The following FKBP9 variants were observed in gnomAD, a reference collection of about 807,000 sequenced individuals.
The protein encoded by FKBP9 is peptidyl-prolyl cis-trans isomerase FKBP9.
Under a neutral mutation model 55.6 loss-of-function variants are expected in FKBP9, and 27 were observed. That is an observed-to-expected ratio of 0.49 (90% CI 0.36 to 0.67). The LOEUF (loss-of-function observed/expected upper bound fraction) is 0.67. FKBP9 is among the 30% of genes least tolerant of loss of function. FKBP9 has a pLI of 0.00. For missense variants in FKBP9, 539 were observed against 742.8 expected (o/e 0.73, Z 3.19); for synonymous variants, 267 against 296.5 (o/e 0.90, Z 1.02).
Position 32,974,011 on chromosome 7 carries a change from T to A in FKBP9, c.222-606T>A, listed in dbSNP as rs1784307211. 2.6e-5 allele frequency among the ~76,000 whole-genome samples: 4 copies of A among 151,608 alleles called. No homozygotes were observed. In the South Asian group the frequency reaches 8.3e-4, roughly 32 times the overall value. On this transcript the variant is annotated intron_variant, in intron 1 of 9. Coordinates refer to ENST00000242209, the MANE Select transcript of FKBP9 (RefSeq NM_007270.5). ...CTGGCTGTAAAGTCTTTTTTTAAAATTTTATTTTATTTTATTTTTTGAGAC... is the reference window on the plus strand; with the variant it reads ...CTGGCTGTAAAGTCTTTTTTTAAAAATTTATTTTATTTTATTTTTTGAGAC...
At position 33,005,173 on chromosome 7, in the gene FKBP9, A is replaced by G; in HGVS notation, c.1537-2A>G. On this transcript the variant is annotated splice_acceptor_variant, in intron 9 of 9. Coordinates refer to ENST00000242209, the MANE Select transcript of FKBP9 (RefSeq NM_007270.5). LOFTEE classifies it high-confidence loss of function. ...GGTCTTTCCTGTCCCCTTCTTTTCCAGTTCTCAGAGTACATTCACGCCCAG... is the reference window on the plus strand; with the variant it reads ...GGTCTTTCCTGTCCCCTTCTTTTCCGGTTCTCAGAGTACATTCACGCCCAG... 2 of 1,612,492 alleles carry G rather than the reference A, an allele frequency of 1.2e-6. No individual in the cohort carries two copies. The highest frequency in any genetic ancestry group is 1.7e-6 in the Non-Finnish European group (2 of 1,178,910).
intron 6 of FKBP9, chr7:32,992,605 A>G: frequency 5.5e-6 from 1 of 181,526 alleles, no homozygotes. Context: ...TCTATACTTA[A>G]TCTACAAATA....
chr7:33,000,234 A>C lies in FKBP9; in HGVS notation c.1346A>C (p.His449Pro). The C allele has an allele frequency of 6.2e-7, 1 of 1,612,504 alleles. No homozygotes were observed. The highest frequency in any genetic ancestry group is 8.5e-7 in the Non-Finnish European group (1 of 1,179,064). The change falls in exon 8 of 10, where the codon CAC (histidine) becomes CCC (proline). Residue 449 changes from histidine to proline, a missense_variant. Physicochemically the swap from His to Pro is moderately conservative, Grantham distance 77. Coordinates refer to ENST00000242209, the MANE Select transcript of FKBP9 (RefSeq NM_007270.5). ...AAACGGACAGTGATCATTCCGCCTC[A>C]CCTGGGCTATGGGGAAGCTGGCGTG... ...GEKRTVIIPP[H>P]LGYGEAGVDG...
At chr7:32,978,677 T>C (rs1274629055) in intron 4 of FKBP9, among the ~76,000 whole-genome samples, 4 of 152,166 alleles carry the variant, frequency 2.6e-5, no homozygotes, top group African/African-American at 2.4e-5. Context: ...TTCTTATTGA[T>C]GTTCAAATGG....
Position 32,996,257 on chromosome 7 carries a change from A to C in FKBP9, c.1134A>C (p.Lys378Asn). Residue 378 changes from lysine (K) to asparagine (N), a missense_variant, in exon 7 of 10, where the codon AAA becomes AAC. This residue lies in a region of FKBP9 where 172 missense variants were observed against 205.3 expected (regional missense o/e 0.84). Coordinates refer to ENST00000242209, the MANE Select transcript of FKBP9 (RefSeq NM_007270.5). ...CCATCAGCATCACCTCCCACTACAA[A>C]CCCCCTGACTGCTCAGTGCTGAGTA... is the stretch of plus-strand genomic sequence containing the variant. ...SDSISITSHYKPPDCSVLSKK... is the reference protein window; with the variant it reads ...SDSISITSHYNPPDCSVLSKK... The C allele has an allele frequency of 6.2e-7, 1 of 1,613,502 alleles. No homozygotes were observed. Among genetic ancestry groups the C allele is most frequent in the Non-Finnish European group, 8.5e-7 (1 of 1,179,800 alleles).
intron 1 of FKBP9, among the ~76,000 whole-genome samples, chr7:32,972,632 A>T (rs1784275108): frequency 1.3e-5 from 2 of 152,142 alleles, no homozygotes; most frequent in Non-Finnish European, 2.9e-5. Flanking sequence ...GATAGATAAT[A>T]TTTCATGTAT....
intron 1 of FKBP9, among the ~76,000 whole-genome samples, chr7:32,973,999 CTT>C (rs1261213922): frequency 6.6e-6 from 1 of 151,212 alleles, no homozygotes; most frequent in Non-Finnish European, 1.5e-5. Flanking sequence ...GCTGTAAAGT[CTT>C]TTTTTAAAAT....
In FKBP9 at chr7:32,981,790, A is replaced by C. The variant is rs1417828037; in HGVS notation, c.893+1237A>C. On this transcript the variant is annotated intron_variant, in intron 5 of 9. Transcript: ENST00000242209. ...CGGGTGCCTGTAATCCCAGCTACTC[A>C]GGAGGCTGAGTCAGGAGAATGACTT... 2.6e-5 allele frequency among the ~76,000 whole-genome samples: 4 copies of C among 151,322 alleles called. No individual in the cohort carries two copies. The East Asian group carries it at 5.9e-4, about 22-fold the overall frequency.
chr7:32,959,221 C>T lies in FKBP9; in HGVS notation c.221+1427C>T, dbSNP rs962587835. Among the ~76,000 whole-genome samples, 6 of 151,490 alleles carry T rather than the reference C, an allele frequency of 4.0e-5. No homozygotes were observed. The South Asian group carries it at 1.0e-3, about 26-fold the overall frequency. On this transcript the variant is annotated intron_variant, in intron 1 of 9. Transcript: ENST00000242209. Reference sequence around the variant, plus strand: ...GAGATCGAGACCATCCTGGCTAACACGGTGAAACCCGGTCTCTACTAAAAA... The same window carrying T: ...GAGATCGAGACCATCCTGGCTAACATGGTGAAACCCGGTCTCTACTAAAAA...
intron 4 of FKBP9, among the ~76,000 whole-genome samples, chr7:32,980,094 T>C (rs993197115): frequency 4.6e-5 from 7 of 152,200 alleles, no homozygotes; most frequent in Non-Finnish European, 1.0e-4. Flanking sequence ...CATAAAGCCT[T>C]GATTTTCCAG....
intron 6 of FKBP9, among the ~76,000 whole-genome samples, chr7:32,994,434 G>A (rs1784744789): frequency 6.6e-6 from 1 of 152,184 alleles, no homozygotes; most frequent in African/African-American, 2.4e-5. Context: ...CCAAGGTTGA[G>A]GAACCATAGA....
intron 6 of FKBP9, chr7:32,994,931 C>A (rs1583867300): frequency 2.3e-5 from 4 of 171,546 alleles, no homozygotes; most frequent in Middle Eastern, 2.3e-3. Context: ...CTGTGTTATT[C>A]TCTTGAATAA....
chr7:32,972,119 C>T (rs538787983), intron 1 of FKBP9, among the ~76,000 whole-genome samples: 5 of 152,068 alleles, frequency 3.3e-5, no homozygotes, highest in Admixed American at 6.6e-5. Context: ...ATAAATCTGC[C>T]AGTTTGATGA....
intron 7 of FKBP9, among the ~76,000 whole-genome samples, chr7:32,996,778 CTTTTTTT>C (rs1170596077): frequency 5.6e-4 from 18 of 32,332 alleles, no homozygotes; most frequent in Non-Finnish European, 1.7e-4. Flanking sequence ...AAGTCTCACT[CTTTTTTT>C]TTTTTTTTTT....
At chr7:32,962,040 G>A (rs1420338252) in intron 1 of FKBP9, among the ~76,000 whole-genome samples, 12 of 152,072 alleles carry the variant, frequency 7.9e-5, no homozygotes, top group Non-Finnish European at 2.9e-5. Flanking sequence ...CATGGAAAAA[G>A]TGAATTCCTT....
chr7:32,996,991 T>C (rs1440010329), intron 7 of FKBP9, among the ~76,000 whole-genome samples: 1 of 151,366 alleles, frequency 6.6e-6, no homozygotes, highest in Non-Finnish European at 1.5e-5. Flanking sequence ...AGACGGGGTT[T>C]CACCTTGTTA....
intron 7 of FKBP9, among the ~76,000 whole-genome samples, chr7:32,999,555 T>C (rs1213430475): frequency 6.6e-6 from 1 of 151,930 alleles, no homozygotes; most frequent in East Asian, 1.9e-4. Context: ...TTGAGCCCTT[T>C]GTACTTCCCC....
At chr7:32,978,633 C>T (rs1443099159) in intron 4 of FKBP9, among the ~76,000 whole-genome samples, 3 of 152,230 alleles carry the variant, frequency 2.0e-5, no homozygotes, top group Non-Finnish European at 2.9e-5. Flanking sequence ...GCTGGGATTA[C>T]GGGTGGGAGC....
At chr7:32,981,457 C>T (rs1166950859) in intron 5 of FKBP9, among the ~76,000 whole-genome samples, 2 of 152,086 alleles carry the variant, frequency 1.3e-5, no homozygotes, top group African/African-American at 4.8e-5. Flanking sequence ...TTGTGTTTGG[C>T]CTGTTTTGCT....
Sources: gnomAD v4.1 joint callset for allele counts (sites outside exome capture counted in the v4.1 genomes callset) on GRCh38, gnomAD v4.1.1 for gene constraint, gnomAD v4.1.1 regional missense constraint, MANE v1.5 for transcripts, NCBI Gene and HGNC (gene_info 2026-07-23, HGNC 2026-07-21) for gene names.